Variants in ADAMTS17 observed in about 807,000 individuals in gnomAD.
ADAMTS17 encodes the protein A disintegrin and metalloproteinase with thrombospondin motifs 17.
ADAMTS17 carries 113 observed loss-of-function variants against 141.5 expected under a neutral mutation model. The observed-to-expected ratio is 0.80, with a 90% CI of 0.69 to 0.93. ADAMTS17 has a LOEUF of 0.93. ADAMTS17 is among the 40% of genes least tolerant of loss of function. ADAMTS17 has a pLI of 0.00. For missense variants in ADAMTS17, 1,659 were observed against 1,517.9 expected, an observed-to-expected ratio of 1.09 and a Z score of -1.54; for synonymous variants, 768 against 630.6, an observed-to-expected ratio of 1.22 and a Z score of -3.27.
chr15:100,108,564 T>C (rs954870177), intron 14 of ADAMTS17, among the ~76,000 whole-genome samples: 1 of 152,184 alleles, frequency 6.6e-6, no homozygotes, highest in African/African-American at 2.4e-5. Context: ...TACCAGTAGA[T>C]GGATGCTCCC....
chr15:100,086,909 C>T (rs1056998776), intron 15 of ADAMTS17, among the ~76,000 whole-genome samples: 1 of 152,032 alleles, frequency 6.6e-6, no homozygotes, highest in Admixed American at 6.6e-5. Flanking sequence ...AAAATTGACA[C>T]CCTAACATCA....
rs767247318 is a variant in ADAMTS17, at chr15:100,331,045, T to G, written c.460A>C (p.Ile154Leu). 6.2e-7 allele frequency: 1 copy of G among 1,614,148 alleles called. No homozygotes were observed. Among genetic ancestry groups the G allele is most frequent in the African/African-American group, 1.3e-5 (1 of 75,038 alleles). The change falls in exon 3 of 22, where the codon ATT (isoleucine) becomes CTT (leucine). Residue 154 changes from isoleucine to leucine, a missense_variant. Coordinates refer to ENST00000268070, the MANE Select transcript of ADAMTS17 (RefSeq NM_139057.4). ...AGCACCTGCTCCTGCCCAAGCTGAATGAGGCCAACCTGTCCAGAAAGGAGA... is the reference window on the plus strand; with the variant it reads ...AGCACCTGCTCCTGCCCAAGCTGAAGGAGGCCAACCTGTCCAGAAAGGAGA... ...CGAAGGLVGL[I>L]QLGQEQVLIQ...
At chr15:100,074,666 T>C (rs1380636642) in intron 15 of ADAMTS17, among the ~76,000 whole-genome samples, 2 of 152,192 alleles carry the variant, frequency 1.3e-5, no homozygotes, top group African/African-American at 2.4e-5. Flanking sequence ...TTCCTAAGAA[T>C]GCTCTGTAAT....
chr15:100,335,220 T>C (rs568007878), intron 2 of ADAMTS17, among the ~76,000 whole-genome samples: 1 of 152,220 alleles, frequency 6.6e-6, no homozygotes, highest in South Asian at 2.1e-4. Flanking sequence ...TGAGAACCAC[T>C]GCTCTAGGAT....
chr15:99,976,991 C>T (rs2060346892), intron 20 of ADAMTS17, among the ~76,000 whole-genome samples: 1 of 152,118 alleles, frequency 6.6e-6, no homozygotes, highest in African/African-American at 2.4e-5. Context: ...GCCTGATGAC[C>T]ACAGAGGTCT....
At chr15:100,063,236 G>A (rs2033256722) in intron 15 of ADAMTS17, among the ~76,000 whole-genome samples, 1 of 152,220 alleles carries the variant, frequency 6.6e-6, no homozygotes, top group African/African-American at 2.4e-5. Flanking sequence ...GTTTCCATTA[G>A]ACTTAAGATT....
At chr15:100,258,545 C>A (rs759664485) in intron 6 of ADAMTS17, among the ~76,000 whole-genome samples, 1 of 152,170 alleles carries the variant, frequency 6.6e-6, no homozygotes, top group African/African-American at 2.4e-5. Flanking sequence ...TCTCACATGG[C>A]AGCAGGCAGG....
intron 8 of ADAMTS17, among the ~76,000 whole-genome samples, chr15:100,195,492 T>C (rs1293141858): frequency 6.6e-6 from 1 of 152,052 alleles, no homozygotes; most frequent in Non-Finnish European, 1.5e-5. Flanking sequence ...GCCTGTTCCA[T>C]GTTTCCGTAA....
chr15:100,339,341 G>T (rs1181780853), intron 2 of ADAMTS17, among the ~76,000 whole-genome samples: 5 of 152,174 alleles, frequency 3.3e-5, no homozygotes, highest in African/African-American at 4.8e-5. Flanking sequence ...ACACCAAGAA[G>T]TATAAACTCT....
chr15:100,318,357 A>G (rs538144775), intron 3 of ADAMTS17, among the ~76,000 whole-genome samples: 39 of 152,014 alleles, frequency 2.6e-4, no homozygotes, highest in Admixed American at 1.3e-3. Context: ...CCTAACCTAC[A>G]ATGTGATGGT....
chr15:100,007,417 C>CTT (rs34259452), intron 18 of ADAMTS17, among the ~76,000 whole-genome samples: 7 of 146,514 alleles, frequency 4.8e-5, no homozygotes, highest in African/African-American at 1.3e-4. Context: ...TGGTAGAAGA[C>CTT]TTTTTTTTTT....
At chr15:100,173,509 C>CT (rs1448979968) in intron 8 of ADAMTS17, among the ~76,000 whole-genome samples, 2 of 152,210 alleles carry the variant, frequency 1.3e-5, no homozygotes, top group Non-Finnish European at 2.9e-5. Context: ...CACTTACCTC[C>CT]TCTCCTGCCT....
At chr15:100,341,683 G>A in intron 1 of ADAMTS17, 138 bp downstream of exon 1, 1 of 1,151,684 alleles carries the variant, frequency 8.7e-7, no homozygotes, top group Non-Finnish European at 1.1e-6. Context: ...CCGTACTCCG[G>A]CCGCGGCCCG....
At chr15:100,117,777 C>T (rs184134728) in intron 12 of ADAMTS17, among the ~76,000 whole-genome samples, 39 of 152,316 alleles carry the variant, frequency 2.6e-4, no homozygotes, top group Admixed American at 1.5e-3. Context: ...TGGTTCCATT[C>T]GTTTCCATGA....
At chr15:100,303,846 C>T (rs1361014648) in intron 3 of ADAMTS17, among the ~76,000 whole-genome samples, 2 of 152,156 alleles carry the variant, frequency 1.3e-5, no homozygotes, top group Non-Finnish European at 2.9e-5. Context: ...CCTCAACCTC[C>T]CGAGTAGTTG....
At chr15:100,152,217 G>A (rs1220704345) in intron 10 of ADAMTS17, among the ~76,000 whole-genome samples, 4 of 152,174 alleles carry the variant, frequency 2.6e-5, no homozygotes, top group African/African-American at 9.6e-5. Flanking sequence ...GATCCATGCA[G>A]TGTTTGAAGT....
At chr15:100,335,196 C>A (rs552721877) in intron 2 of ADAMTS17, among the ~76,000 whole-genome samples, 1 of 152,142 alleles carries the variant, frequency 6.6e-6, no homozygotes. Flanking sequence ...GGGACTGTAA[C>A]GCCGGCTCAA....
chr15:100,206,988 G>C (rs945744487), intron 7 of ADAMTS17, among the ~76,000 whole-genome samples: 2 of 152,204 alleles, frequency 1.3e-5, no homozygotes, highest in African/African-American at 4.8e-5. Context: ...GCTGGTAAGA[G>C]CAAATACGTG....
intron 12 of ADAMTS17, among the ~76,000 whole-genome samples, chr15:100,126,772 G>A (rs771170166): frequency 6.6e-6 from 1 of 152,214 alleles, no homozygotes; most frequent in Non-Finnish European, 1.5e-5. Flanking sequence ...CACATTTTAT[G>A]GAGTGGCCGC....
Sources: allele counts gnomAD v4.1 joint callset (sites outside exome capture counted in the v4.1 genomes callset), GRCh38; gene constraint gnomAD v4.1.1; transcripts MANE v1.5; gene names NCBI Gene and HGNC (gene_info 2026-07-23, HGNC 2026-07-21).